The following CAND2 variants were observed in gnomAD, a reference collection of about 807,000 sequenced individuals.
CAND2 encodes cullin associated and neddylation dissociated 2 (putative).
Under a neutral mutation model 98.9 loss-of-function variants are expected in CAND2, and 62 were observed. The observed-to-expected ratio is 0.63, with a 90% CI of 0.51 to 0.77. The LOEUF is 0.77. Among genes scored for constraint, CAND2 ranks in the 30% least tolerant of loss-of-function variants. The pLI, the probability that CAND2 is intolerant of heterozygous loss-of-function variation, is 0.00. For synonymous variants in CAND2, 770 were observed against 731.9 expected, an observed-to-expected ratio of 1.05 and a Z score of -0.84; for missense variants, 1,501 against 1,655.2, an observed-to-expected ratio of 0.91 and a Z score of 1.62.
At chr3:12,812,333 C>G (rs550310665) in intron 5 of CAND2, among the ~76,000 whole-genome samples, 14 of 148,936 alleles carry the variant, frequency 9.4e-5, no homozygotes, top group African/African-American at 3.5e-4. Context: ...AAGCAATTCT[C>G]CTGCCTCAGC....
chr3:12,817,755 G>C lies in CAND2; in HGVS notation c.2823G>C (p.Leu941=), dbSNP rs751386515. 5 of 1,566,300 alleles carry C rather than the reference G, an allele frequency of 3.2e-6. No individual in the cohort carries two copies. The South Asian group carries it at 3.6e-5, about 11-fold the overall frequency. ...ACGCCGAGGACATCTGGGCCTTGCTGTTCCAGCGCTGCGAGGGTGCTGAGG... is the reference window on the plus strand; with the variant it reads ...ACGCCGAGGACATCTGGGCCTTGCTCTTCCAGCGCTGCGAGGGTGCTGAGG... ...KPYAEDIWAL[L]FQRCEGAEEG... is the part of the protein sequence containing the mutation. Residue 941 remains leucine (L), a synonymous_variant, in exon 10 of 15, where the codon CTG becomes CTC. Coordinates refer to ENST00000456430, the MANE Select transcript of CAND2 (RefSeq NM_001162499.2).
rs2061914444 is a variant in CAND2 at position 12,817,202 on chromosome 3, C to G, written c.2270C>G (p.Ala757Gly). ...PLLPAGVLAA[A>G]EGFLQALVGT... is the part of the protein sequence containing the mutation. Reference sequence around the variant, plus strand: ...TTGCCAGCCGGGGTTCTGGCAGCTGCTGAAGGCTTCCTGCAGGCCCTGGTA... The same window carrying G: ...TTGCCAGCCGGGGTTCTGGCAGCTGGTGAAGGCTTCCTGCAGGCCCTGGTA... The change falls in exon 10 of 15, where the codon GCT (alanine) becomes GGT (glycine). Residue 757 changes from alanine to glycine, a missense_variant. Around this residue, in one of 3 missense-constraint regions of CAND2, gnomAD observed 1,427 missense variants for 1,545.3 expected, o/e 0.92. Coordinates refer to ENST00000456430, the MANE Select transcript of CAND2 (RefSeq NM_001162499.2). 1.9e-6 allele frequency: 3 copies of G among 1,613,504 alleles called. No homozygotes were observed. In the African/African-American group the frequency reaches 4.0e-5, roughly 21 times the overall value.
At chr3:12,818,327 C>T (rs1251397325) in intron 10 of CAND2, among the ~76,000 whole-genome samples, 2 of 152,146 alleles carry the variant, frequency 1.3e-5, no homozygotes, top group African/African-American at 4.8e-5. Flanking sequence ...TGGACAGTAG[C>T]TTAGTGCTCC....
intron 11 of CAND2, among the ~76,000 whole-genome samples, chr3:12,821,583 G>A (rs1036417634): frequency 1.3e-5 from 2 of 152,152 alleles, no homozygotes; most frequent in African/African-American, 2.4e-5. Flanking sequence ...CCCCCCCTCC[G>A]GCCTGATTTC....
chr3:12,810,390 C>G, intron 5 of CAND2, 66 bp downstream of exon 5: 2 of 1,228,544 alleles, frequency 1.6e-6, no homozygotes, highest in Non-Finnish European at 2.1e-6. Context: ...GCCAATGACT[C>G]GGTAAAGGGG....
intron 1 of CAND2, among the ~76,000 whole-genome samples, chr3:12,798,356 C>G (rs561106943): frequency 3.9e-5 from 6 of 152,212 alleles, no homozygotes; most frequent in African/African-American, 1.4e-4. Flanking sequence ...CATCATGCCT[C>G]CCCTCATGTT....
chr3:12,812,899 C>G (rs2061864526), intron 5 of CAND2, 91 bp from the exon 6 acceptor site: 1 of 779,128 alleles, frequency 1.3e-6, no homozygotes, highest in African/African-American at 1.7e-5. Flanking sequence ...GTGGTCAGGG[C>G]TGCAGGTGCA....
intron 11 of CAND2, among the ~76,000 whole-genome samples, chr3:12,824,736 C>T (rs1575779827): frequency 6.6e-6 from 1 of 151,972 alleles, no homozygotes; most frequent in South Asian, 2.1e-4. Context: ...GGTGAAACCC[C>T]GTCTCTACTA....
Position 12,817,684 on chromosome 3 carries a change from C to T in CAND2, c.2752C>T (p.Leu918Phe). 6.2e-7 allele frequency: 1 copy of T among 1,605,398 alleles called. No homozygotes were observed. Among genetic ancestry groups the T allele is most frequent in the African/African-American group, 1.3e-5 (1 of 74,932 alleles). The change falls in exon 10 of 15, where the codon CTC becomes TTC. Residue 918 changes from leucine (L) to phenylalanine (F), a missense_variant. Around this residue, in one of 3 missense-constraint regions of CAND2, gnomAD observed 1,427 missense variants for 1,545.3 expected, o/e 0.92. Transcript: ENST00000456430. ...ACGACAGTACCTGCTGCTGCACTCA[C>T]TCAGGGAGGCCCTGGGGGCCGCCCA... ...PRRQYLLLHS[L>F]REALGAAQPD...
At chr3:12,800,513 C>T (rs535339986) in intron 1 of CAND2, among the ~76,000 whole-genome samples, 50 of 152,284 alleles carry the variant, frequency 3.3e-4, no homozygotes, top group Admixed American at 2.7e-3. Context: ...AGTATCTCCT[C>T]GCTGCTCTGT....
intron 13 of CAND2, among the ~76,000 whole-genome samples, chr3:12,828,556 G>A (rs1311002685): frequency 5.9e-5 from 9 of 151,986 alleles, no homozygotes; most frequent in Non-Finnish European, 1.2e-4. Flanking sequence ...TGGCCAGGCT[G>A]GTCTCGAACT....
At chr3:12,808,361 G>A in intron 4 of CAND2, 28 bp downstream of exon 4, 1 of 1,550,494 alleles carries the variant, frequency 6.4e-7, no homozygotes, top group Non-Finnish European at 8.7e-7. Context: ...GGGTATTGAG[G>A]AAGAGTGGGT....
chr3:12,818,996 C>G (rs2061932817), intron 10 of CAND2, among the ~76,000 whole-genome samples: 1 of 152,188 alleles, frequency 6.6e-6, no homozygotes, highest in South Asian at 2.1e-4. Flanking sequence ...CTTTTTAGCA[C>G]CAACTGCTGG....
At chr3:12,802,657 T>C (rs1417567807) in intron 1 of CAND2, among the ~76,000 whole-genome samples, 1 of 152,178 alleles carries the variant, frequency 6.6e-6, no homozygotes, top group African/African-American at 2.4e-5. Flanking sequence ...CATATGTGGG[T>C]CTCCTTGTAG....
chr3:12,810,991 G>A (rs1455766319), intron 5 of CAND2, among the ~76,000 whole-genome samples: 2 of 152,212 alleles, frequency 1.3e-5, no homozygotes. Context: ...CTGCAATCAG[G>A]TTTGAATGTA....
chr3:12,817,608 C>T lies in CAND2; in HGVS notation c.2676C>T (p.Ser892=). ...SYALGRVGAG[S]LPDFLPFLLE... ...CACTGGGCCGTGTGGGTGCTGGCAG[C>T]CTGCCCGACTTCCTGCCCTTCCTGC... Residue 892 remains serine (S), a synonymous_variant, in exon 10 of 15, where the codon AGC becomes AGT. Transcript: ENST00000456430. 6 of 1,613,778 alleles carry T rather than the reference C, an allele frequency of 3.7e-6. No individual in the cohort carries two copies. Among genetic ancestry groups the T allele is most frequent in the Non-Finnish European group, 5.1e-6 (6 of 1,179,996 alleles).
chr3:12,809,672 T>G (rs1335733692), intron 4 of CAND2, among the ~76,000 whole-genome samples: 3 of 151,754 alleles, frequency 2.0e-5, no homozygotes, highest in Non-Finnish European at 2.9e-5. Flanking sequence ...AGCAGAGGAG[T>G]GACCAGGTGA....
At chr3:12,797,378 G>A (rs866338071) in intron 1 of CAND2, among the ~76,000 whole-genome samples, 19 of 151,648 alleles carry the variant, frequency 1.3e-4, no homozygotes, top group African/African-American at 4.6e-4. Context: ...CCCCTCCTGC[G>A]ATTGTTCAGA....
At chr3:12,824,017 C>T (rs991334975) in intron 11 of CAND2, among the ~76,000 whole-genome samples, 1 of 152,036 alleles carries the variant, frequency 6.6e-6, no homozygotes, top group Admixed American at 6.5e-5. Context: ...AATGTTTAAA[C>T]TATAATGGCT....
Sources: allele counts gnomAD v4.1 joint callset (sites outside exome capture counted in the v4.1 genomes callset), GRCh38; gene constraint gnomAD v4.1.1; regional missense constraint gnomAD v4.1.1; transcripts MANE v1.5; gene names NCBI Gene and HGNC (gene_info 2026-07-23, HGNC 2026-07-21).